The following ANKFY1 variants were observed in gnomAD, a reference collection of about 807,000 sequenced individuals.
ANKFY1 encodes ankyrin repeat and FYVE domain-containing protein 1.
A neutral mutation model predicts 128.3 loss-of-function variants in ANKFY1; 47 were observed. The observed-to-expected ratio is 0.37, with a 90% CI of 0.29 to 0.47. The LOEUF (loss-of-function observed/expected upper bound fraction) is 0.47. Ranked by LOEUF, ANKFY1 falls within the 20% of genes least tolerant of loss-of-function variation. The probability of loss-of-function intolerance (pLI) is 1.00; values close to 1 mark genes in which losing one functional copy is unlikely to be tolerated. For synonymous variants in ANKFY1, 553 were observed against 601.6 expected, an observed-to-expected ratio of 0.92 and a Z score of 1.18; for missense variants, 1,222 against 1,510.6, an observed-to-expected ratio of 0.81 and a Z score of 3.17.
At position 4,183,568 on chromosome 17, in the gene ANKFY1, G is replaced by C; in HGVS notation, c.1799-17C>G. ...TGTGCATGCCTGGGAAACAAGCCCC[G>C]ATCTCATCCAGGCTCGGCTTTTCCC... is the stretch of plus-strand genomic sequence containing the variant. On this transcript the variant is annotated splice_polypyrimidine_tract_variant and intron_variant, in intron 13 of 24. Coordinates refer to ENST00000341657, the MANE Select transcript of ANKFY1 (RefSeq NM_001330063.2). 1 of 1,609,704 alleles carries C rather than the reference G, an allele frequency of 6.2e-7. No individual in the cohort carries two copies. The highest frequency in any genetic ancestry group is 1.1e-5 in the South Asian group (1 of 90,978).
chr17:4,177,179 T>C lies in ANKFY1; in HGVS notation c.2722A>G (p.Thr908Ala). The change falls in exon 19 of 25, where the codon ACC (threonine) becomes GCC (alanine). Residue 908 changes from threonine to alanine, a missense_variant. Physicochemically the swap from Thr to Ala is moderately conservative, Grantham distance 58. Coordinates refer to ENST00000341657, the MANE Select transcript of ANKFY1 (RefSeq NM_001330063.2). ...NSRVQDASKL[T>A]PLHLAVQAGS... is the part of the protein sequence containing the mutation. ...GCTTGGACAGCGAGGTGCAGGGGGGTCAACTTGGAGGCATCCTGGACTCTT... is the reference window on the plus strand; with the variant it reads ...GCTTGGACAGCGAGGTGCAGGGGGGCCAACTTGGAGGCATCCTGGACTCTT... The C allele has an allele frequency of 6.2e-7, 1 of 1,605,322 alleles. No individual in the cohort carries two copies. Among genetic ancestry groups the C allele is most frequent in the Non-Finnish European group, 8.5e-7 (1 of 1,175,634 alleles).
chr17:4,234,119 T>C (rs2060562177), intron 3 of ANKFY1, among the ~76,000 whole-genome samples: 1 of 152,208 alleles, frequency 6.6e-6, no homozygotes, highest in African/African-American at 2.4e-5. Context: ...CAGAACATGC[T>C]GTACAGGGTT....
chr17:4,185,424 C>CA (rs1434665465), intron 11 of ANKFY1, among the ~76,000 whole-genome samples: 1 of 152,154 alleles, frequency 6.6e-6, no homozygotes, highest in East Asian at 1.9e-4. Context: ...AGGCTGGTCT[C>CA]AAACTCCTGA....
chr17:4,253,022 C>A (rs1277907895), intron 1 of ANKFY1, among the ~76,000 whole-genome samples: 2 of 152,260 alleles, frequency 1.3e-5, no homozygotes, highest in African/African-American at 2.4e-5. Flanking sequence ...GAGTTCGAGA[C>A]CAGCCTGGCC....
intron 5 of ANKFY1, among the ~76,000 whole-genome samples, chr17:4,208,285 G>T (rs770945221): frequency 6.6e-6 from 1 of 152,222 alleles, no homozygotes; most frequent in Admixed American, 6.5e-5. Context: ...GGCATAAAGA[G>T]ATTAGATAAC....
At chr17:4,206,568 T>TA in intron 6 of ANKFY1, 82 bp from the exon 7 acceptor site, 2 of 1,263,292 alleles carry the variant, frequency 1.6e-6, no homozygotes, top group Non-Finnish European at 2.2e-6. Context: ...GACCCTTAAA[T>TA]ATCATCTCTT....
At chr17:4,251,813 T>G (rs1474361514) in intron 1 of ANKFY1, among the ~76,000 whole-genome samples, 1 of 152,100 alleles carries the variant, frequency 6.6e-6, no homozygotes, top group Non-Finnish European at 1.5e-5. Flanking sequence ...GGTGGATGGA[T>G]CACTTGAGGT....
chr17:4,195,000 T>G lies in ANKFY1; in HGVS notation c.1350A>C (p.Thr450=). ...AARLIQRGSH[T]DAPDTATGNC... ...TACCTGTCGCCGTGTCAGGTGCGTC[T>G]GTGTGGCTGCCGCGCTGGATGAGTC... Residue 450 remains threonine (T), a synonymous_variant, in exon 10 of 25, where the codon ACA becomes ACC. Coordinates refer to ENST00000341657, the MANE Select transcript of ANKFY1 (RefSeq NM_001330063.2). 6.2e-7 allele frequency: 1 copy of G among 1,614,238 alleles called. No individual in the cohort carries two copies. The highest frequency in any genetic ancestry group is 1.3e-5 in the African/African-American group (1 of 75,050).
At position 4,167,656 on chromosome 17, in the gene ANKFY1, G is replaced by A. The variant is rs531888789; in HGVS notation, c.*123C>T. The A allele has an allele frequency of 2.1e-6, 2 of 937,594 alleles. No individual in the cohort carries two copies. Among genetic ancestry groups the A allele is most frequent in the South Asian group, 2.2e-5 (1 of 46,202 alleles). 58.1% of individuals were successfully genotyped at this position (937,594 alleles called of 1,614,324 possible). On this transcript the variant is annotated 3_prime_UTR_variant, in exon 25 of 25. Coordinates refer to ENST00000341657, the MANE Select transcript of ANKFY1 (RefSeq NM_001330063.2). This position sits in a 1 kb window ranked among gnomAD's most constrained non-coding sequence, Gnocchi z 4.1. ...ATCTATCACACCATGGTCCTTAATCGTTCCAGTCTATTGCCGCAGGAAGAC... is the reference window on the plus strand; with the variant it reads ...ATCTATCACACCATGGTCCTTAATCATTCCAGTCTATTGCCGCAGGAAGAC...
chr17:4,201,852 G>A (rs773496524), intron 7 of ANKFY1, among the ~76,000 whole-genome samples: 4 of 152,114 alleles, frequency 2.6e-5, no homozygotes, highest in Non-Finnish European at 5.9e-5. Context: ...ATACATATAC[G>A]CAGAGGGTCC....
chr17:4,184,222 C>T (rs147256769), intron 12 of ANKFY1, among the ~76,000 whole-genome samples: 59 of 152,286 alleles, frequency 3.9e-4, no homozygotes, highest in Admixed American at 1.0e-3. Flanking sequence ...TCCTAGAACG[C>T]AATCTTAAAA....
At chr17:4,201,058 T>C (rs1370874292) in intron 7 of ANKFY1, among the ~76,000 whole-genome samples, 1 of 152,192 alleles carries the variant, frequency 6.6e-6, no homozygotes, top group Non-Finnish European at 1.5e-5. Flanking sequence ...TGAGACAGGG[T>C]CTCACTCTGT....
At chr17:4,206,520 G>T (rs753136996) in intron 6 of ANKFY1, 34 bp from the exon 7 acceptor site, 1 of 1,594,102 alleles carries the variant, frequency 6.3e-7, no homozygotes, top group East Asian at 2.3e-5. Context: ...AGCGCCCAGT[G>T]AGTAGAGAAT....
intron 2 of ANKFY1, among the ~76,000 whole-genome samples, chr17:4,239,920 T>G (rs1472386007): frequency 2.6e-5 from 4 of 152,184 alleles, no homozygotes; most frequent in African/African-American, 9.7e-5. Context: ...TTCCTTCTTA[T>G]GTACATTCAC....
chr17:4,216,947 C>G (rs754926807), intron 4 of ANKFY1, 36 bp downstream of exon 4: 7 of 1,613,124 alleles, frequency 4.3e-6, no homozygotes, highest in Non-Finnish European at 5.9e-6. Context: ...CAGCCACCAC[C>G]ATCTGAGGTG....
In ANKFY1 at chr17:4,169,299, G is replaced by A. The variant is rs1312177037; in HGVS notation, c.3287-11C>T. On this transcript the variant is annotated splice_polypyrimidine_tract_variant and intron_variant, in intron 23 of 24. Transcript: ENST00000341657. This position sits in a 1 kb window ranked among gnomAD's most constrained non-coding sequence, Gnocchi z 5.0. ...CCTTGGACAGCATATCTGCAACACA[G>A]GGGGGAGGCCCGGTCCCGTCAAACC... 1.1e-5 allele frequency: 17 copies of A among 1,540,136 alleles called. No individual in the cohort carries two copies. Among genetic ancestry groups the A allele is most frequent in the East Asian group, 9.8e-5 (4 of 40,674 alleles).
rs2059210256 is a variant in ANKFY1, at chr17:4,166,347, T to C, written c.*1432A>G. ...TTAATGCAAAAAAATGTAGTGGTTA[T>C]TAAATGTCTGAAAGAATCAGTATGT... On this transcript the variant is annotated 3_prime_UTR_variant, in exon 25 of 25. Transcript: ENST00000341657. The C allele has an allele frequency of 6.6e-6, 1 of 152,634 alleles. No individual in the cohort carries two copies. Among genetic ancestry groups the C allele is most frequent in the African/African-American group, 2.4e-5 (1 of 41,472 alleles). The allele number at this position is 152,634 out of a possible 1,614,324, so 9.5% of individuals were successfully genotyped here.
intron 1 of ANKFY1, among the ~76,000 whole-genome samples, chr17:4,261,783 C>G (rs1968431625): frequency 6.6e-6 from 1 of 152,172 alleles, no homozygotes. Context: ...CCCAAAACAC[C>G]GAACTTACCT....
At chr17:4,195,370 C>A (rs374645477) in intron 9 of ANKFY1, 33 bp downstream of exon 9, 4 of 1,598,166 alleles carry the variant, frequency 2.5e-6, no homozygotes, top group African/African-American at 2.7e-5. Context: ...CCCTCACAAC[C>A]GCCTTCTCAC....
Sources: allele counts gnomAD v4.1 joint callset (sites outside exome capture counted in the v4.1 genomes callset), GRCh38; gene constraint gnomAD v4.1.1; non-coding constraint Gnocchi (gnomAD v3.1); transcripts MANE v1.5; gene names NCBI Gene and HGNC (gene_info 2026-07-23, HGNC 2026-07-21).